Variants in SVEP1 observed in about 807,000 individuals in gnomAD.
The protein encoded by SVEP1 is sushi, von Willebrand factor type A, EGF and pentraxin domain-containing protein 1.
A neutral mutation model predicts 367.3 loss-of-function variants in SVEP1; 164 were observed. That is an observed-to-expected ratio of 0.45 (90% CI 0.39 to 0.51). The LOEUF (loss-of-function observed/expected upper bound fraction) is 0.51. Among genes scored for constraint, SVEP1 ranks in the 20% least tolerant of loss-of-function variants. The pLI is 0.00. For missense variants in SVEP1, 4,117 were observed against 4,425.3 expected (o/e 0.93, Z 1.98); for synonymous variants, 1,666 against 1,611.6 (o/e 1.03, Z -0.81).
chr9:110,449,059 T>A (rs998072978), intron 24 of SVEP1, among the ~76,000 whole-genome samples: 1 of 152,216 alleles, frequency 6.6e-6, no homozygotes, highest in African/African-American at 2.4e-5. Flanking sequence ...AATACAGTTT[T>A]CTAAAATTTT....
chr9:110,460,405 T>C (rs1346755877), intron 18 of SVEP1, among the ~76,000 whole-genome samples: 2 of 152,138 alleles, frequency 1.3e-5, no homozygotes, highest in African/African-American at 4.8e-5. Flanking sequence ...GCCTTATCAA[T>C]CATGTACTAT....
In SVEP1 at chr9:110,550,120, G is replaced by A. The variant is rs1830264888; in HGVS notation, c.532-16C>T. On this transcript the variant is annotated splice_polypyrimidine_tract_variant and intron_variant, in intron 1 of 47. Coordinates refer to ENST00000374469, the MANE Select transcript of SVEP1 (RefSeq NM_153366.4). ...GAAGAATTTGCTGTAATGAAATGGGGAAAGTTAATATGAGTGTGTACTGTC... is the reference window on the plus strand; with the variant it reads ...GAAGAATTTGCTGTAATGAAATGGGAAAAGTTAATATGAGTGTGTACTGTC... 6.2e-7 allele frequency: 1 copy of A among 1,613,306 alleles called. No individual in the cohort carries two copies. The highest frequency in any genetic ancestry group is 1.3e-5 in the African/African-American group (1 of 74,922).
Position 110,546,176 on chromosome 9 carries a change from G to T in SVEP1, c.903C>A (p.Gly301=), listed in dbSNP as rs755046443. Residue 301 remains glycine (G), a synonymous_variant, in exon 3 of 48, where the codon GGC becomes GGA. Transcript: ENST00000374469. The stretch of plus-strand genomic sequence containing the variant: ...CCTTTTCACAGATGCACTCAAAATG[G>T]CCTGTGTGTGTCCCACATTTGCAGC... ...MGSCKCGTHT[G]HFECICEKGY... 9.0e-5 allele frequency: 140 copies of T among 1,558,884 alleles called. No homozygotes were observed. The highest frequency in any genetic ancestry group is 1.1e-4 in the Non-Finnish European group (132 of 1,150,848).
intron 9 of SVEP1, among the ~76,000 whole-genome samples, chr9:110,485,269 A>G (rs7863493): frequency 0.68 from 103,669 of 152,126 alleles, 35,480 homozygotes; most frequent in African/African-American, 0.74. Flanking sequence ...AAGGAACAAG[A>G]TCAGATCCTT....
chr9:110,516,904 A>T (rs1829811280), intron 3 of SVEP1, among the ~76,000 whole-genome samples: 1 of 152,230 alleles, frequency 6.6e-6, no homozygotes, highest in Non-Finnish European at 1.5e-5. Context: ...GTTCCAGGAA[A>T]AATTAACAAA....
chr9:110,508,417 G>C (rs1326001014), intron 5 of SVEP1, among the ~76,000 whole-genome samples: 1 of 152,046 alleles, frequency 6.6e-6, no homozygotes. Flanking sequence ...CTCAGGTTTA[G>C]TTAGTTAAGA....
chr9:110,429,336 T>A lies in SVEP1; in HGVS notation c.5616-2A>T. On this transcript the variant is annotated splice_acceptor_variant, in intron 34 of 47. Coordinates refer to ENST00000374469, the MANE Select transcript of SVEP1 (RefSeq NM_153366.4). LOFTEE classifies it high-confidence loss of function. The stretch of plus-strand genomic sequence containing the variant: ...GCCAGAGTATATCCTTTATTACACC[T>A]AAAGAAGATAGAGGAAAATTACAGG... The A allele has an allele frequency of 6.6e-7, 1 of 1,518,270 alleles. No individual in the cohort carries two copies. Among genetic ancestry groups the A allele is most frequent in the Non-Finnish European group, 8.8e-7 (1 of 1,135,638 alleles). The allele number at this position is 1,518,270 out of a possible 1,614,324, so 94.0% of individuals were successfully genotyped here. A position where few individuals can be genotyped will look rare whatever the true frequency, so the allele number is the denominator to read the frequency against.
Position 110,411,120 on chromosome 9 carries a change from C to T in SVEP1, c.6591G>A (p.Pro2197=), listed in dbSNP as rs746688817. The change falls in exon 37 of 48, where the codon CCG becomes CCA. Residue 2197 remains proline (P), a synonymous_variant. Transcript: ENST00000374469. The part of the protein sequence containing the change: ...EATGQWSSPI[P]TCHPVSCGEP... ...CACCACAAGATACCGGGTGGCACGT[C>T]GGTATAGGACTACTCCACTGCCCTG... 6.8e-6 allele frequency: 11 copies of T among 1,611,038 alleles called. No homozygotes were observed. Among genetic ancestry groups the T allele is most frequent in the African/African-American group, 1.3e-5 (1 of 74,966 alleles).
chr9:110,519,048 C>A (rs1271703664), intron 3 of SVEP1, among the ~76,000 whole-genome samples: 2 of 152,174 alleles, frequency 1.3e-5, no homozygotes, highest in East Asian at 3.8e-4. Flanking sequence ...TCAACTAGTG[C>A]CTAGTTTTGT....
At chr9:110,489,472 C>T (rs1338408726) in intron 9 of SVEP1, among the ~76,000 whole-genome samples, 178 bp downstream of exon 9, 2 of 152,126 alleles carry the variant, frequency 1.3e-5, no homozygotes, top group African/African-American at 4.8e-5. Flanking sequence ...GGAACTCCCC[C>T]TTATAAAACC....
intron 3 of SVEP1, among the ~76,000 whole-genome samples, chr9:110,542,281 T>A (rs915088223): frequency 3.3e-5 from 5 of 152,154 alleles, no homozygotes; most frequent in African/African-American, 1.2e-4. Flanking sequence ...TGTTTGGGTA[T>A]GTTATCTTGA....
At chr9:110,478,623 G>A (rs1774087631) in intron 13 of SVEP1, among the ~76,000 whole-genome samples, 1 of 152,122 alleles carries the variant, frequency 6.6e-6, no homozygotes, top group Admixed American at 6.5e-5. Flanking sequence ...GAGGCCTAAT[G>A]GGCGCAATAT....
intron 27 of SVEP1, chr9:110,443,155 A>C (rs1347827023): frequency 6.3e-6 from 1 of 159,564 alleles, no homozygotes; most frequent in Non-Finnish European, 1.4e-5. Flanking sequence ...ACAAGCCAAG[A>C]TCTATTTGAA....
At position 110,530,483 on chromosome 9, in the gene SVEP1, C is replaced by T. The variant is rs148531965; in HGVS notation, c.964+15632G>A. The stretch of plus-strand genomic sequence containing the variant: ...TTATAATAACTGGAAAGGGCAATTC[C>T]TCCTGCATAAATTCATAAATTGGTA... On this transcript the variant is annotated intron_variant, in intron 3 of 47. Coordinates refer to ENST00000374469, the MANE Select transcript of SVEP1 (RefSeq NM_153366.4). Among the ~76,000 whole-genome samples the T allele has an allele frequency of 3.9e-5, 6 of 152,174 alleles. No individual in the cohort carries two copies. In the East Asian group the frequency reaches 1.2e-3, roughly 29 times the overall value.
rs1369942802 is a variant in SVEP1 at position 110,429,123 on chromosome 9, T to C, written c.5807+20A>G. 4.6e-6 allele frequency: 7 copies of C among 1,527,390 alleles called. No homozygotes were observed. The highest frequency in any genetic ancestry group is 4.2e-5 in the African/African-American group (3 of 72,184). 94.6% of individuals were successfully genotyped at this position (1,527,390 alleles called of 1,614,324 possible). A position where few individuals can be genotyped will look rare whatever the true frequency, so the allele number is the denominator to read the frequency against. On this transcript the variant is annotated intron_variant, in intron 35 of 47. Transcript: ENST00000374469. ...TAACACAGTATTGTAGAAAGCTTGG[T>C]TGGTGTCTACAAATGTTACCTGTAT...
At chr9:110,543,240 A>G (rs552932852) in intron 3 of SVEP1, among the ~76,000 whole-genome samples, 1 of 152,298 alleles carries the variant, frequency 6.6e-6, no homozygotes, top group Non-Finnish European at 1.5e-5. Context: ...CTAATCTCTT[A>G]GAAACAAATA....
chr9:110,437,465 T>C (rs1828447648), intron 27 of SVEP1, among the ~76,000 whole-genome samples: 1 of 152,186 alleles, frequency 6.6e-6, no homozygotes, highest in African/African-American at 2.4e-5. Context: ...ACTTTAGTGA[T>C]GCTACCTGTT....
chr9:110,401,060 G>A (rs1191905487), intron 39 of SVEP1, 51 bp from the exon 40 acceptor site: 18 of 1,588,118 alleles, frequency 1.1e-5, no homozygotes, highest in Non-Finnish European at 1.5e-5. Context: ...TAATACATAT[G>A]AATGAAGAAA....
At chr9:110,461,239 A>T (rs113560545) in intron 18 of SVEP1, among the ~76,000 whole-genome samples, 266 of 152,328 alleles carry the variant, frequency 1.7e-3, no homozygotes, top group African/African-American at 6.1e-3. Context: ...AGGGGGACAG[A>T]GTACTCATGA....
Sources: gnomAD v4.1 joint callset for allele counts (sites outside exome capture counted in the v4.1 genomes callset) on GRCh38, gnomAD v4.1.1 for gene constraint, MANE v1.5 for transcripts, NCBI Gene and HGNC (gene_info 2026-07-23, HGNC 2026-07-21) for gene names.